ACYP2: variants seen among roughly 807,000 people sequenced by gnomAD.
ACYP2 encodes acylphosphatase-2.
Under a neutral mutation model 11.2 loss-of-function variants are expected in ACYP2, and 12 were observed. The ratio of observed to expected loss-of-function variants is 1.08; its 90% CI spans 0.69 to 1.74. The LOEUF is 1.74. Among genes scored for constraint, ACYP2 ranks in the 40% most tolerant of loss-of-function variants. ACYP2 has a pLI of 0.00. For missense variants in ACYP2, 134 were observed against 101.9 expected, an observed-to-expected ratio of 1.31 and a Z score of -1.35; for synonymous variants, 43 against 32.2, an observed-to-expected ratio of 1.33 and a Z score of -1.13.
intron 6 of ACYP2, among the ~76,000 whole-genome samples, chr2:54,197,942 A>ATGTTGTATTGTATTG (rs1354658076): frequency 1.4e-5 from 1 of 69,516 alleles, no homozygotes; most frequent in Non-Finnish European, 3.3e-5. Context: ...TGTATGTATT[A>ATGTTGTATTGTATTG]TATTGTATTG....
At chr2:53,973,908 T>TA (rs1491376422) in intron 2 of ACYP2, 15,814 of 86,734 alleles carry the variant, frequency 0.18, 2,121 homozygotes, top group African/African-American at 0.26. Flanking sequence ...TGTGTATATA[T>TA]TTTTTTTTTT....
At position 54,091,001 on chromosome 2, in the gene ACYP2, C is replaced by A. The variant is rs147002131; in HGVS notation, c.277+33641C>A. On this transcript the variant is annotated intron_variant, in intron 4 of 6. Coordinates refer to ENST00000607452, the MANE Select transcript of ACYP2 (RefSeq NM_001320586.2). The stretch of plus-strand genomic sequence containing the variant: ...TTGCCTTGGACACAATGAACGCTGA[C>A]ATAATTGTTGATTGATTTAAAATAC... Among the ~76,000 whole-genome samples the A allele has an allele frequency of 6.3e-4, 96 of 152,290 alleles. No individual in the cohort carries two copies. The East Asian group carries it at 0.018, about 28-fold the overall frequency.
At chr2:54,230,997 A>G in intron 6 of ACYP2, among the ~76,000 whole-genome samples, 1 of 151,140 alleles carries the variant, frequency 6.6e-6, no homozygotes, top group South Asian at 2.1e-4. Flanking sequence ...CGCCCAGCTA[A>G]TTTTTGTATT....
At chr2:54,083,518 T>G (rs1318662359) in intron 4 of ACYP2, among the ~76,000 whole-genome samples, 1 of 152,138 alleles carries the variant, frequency 6.6e-6, no homozygotes, top group African/African-American at 2.4e-5. Flanking sequence ...GTTCTAAGTT[T>G]ACAGAGAACA....
At chr2:54,027,776 G>T in intron 2 of ACYP2, among the ~76,000 whole-genome samples, 2 of 145,424 alleles carry the variant, frequency 1.4e-5, no homozygotes, top group Non-Finnish European at 1.5e-5. Context: ...GTCTTTTTCT[G>T]TTTCAGAACC....
intron 6 of ACYP2, among the ~76,000 whole-genome samples, chr2:54,146,286 C>T (rs1206914254): frequency 1.2e-4 from 19 of 152,322 alleles, no homozygotes; most frequent in Admixed American, 1.2e-3. Flanking sequence ...TTCCACTTAT[C>T]TCTCTTCTCC....
At chr2:54,138,893 G>T in intron 6 of ACYP2, 145 bp downstream of exon 3, 2 of 666,286 alleles carry the variant, frequency 3.0e-6, no homozygotes, top group South Asian at 2.0e-5. Context: ...TCCAGGCTCA[G>T]ATCTCCCCGA....
intron 2 of ACYP2, among the ~76,000 whole-genome samples, chr2:53,977,228 T>A (rs957528321): frequency 3.3e-5 from 5 of 151,970 alleles, no homozygotes; most frequent in Non-Finnish European, 5.9e-5. Context: ...TTTATATTTT[T>A]AGTAGAGACG....
chr2:54,249,738 C>T (rs1050538381), intron 6 of ACYP2, among the ~76,000 whole-genome samples: 1 of 151,864 alleles, frequency 6.6e-6, no homozygotes, highest in Admixed American at 6.6e-5. Context: ...CCCAGGAGTG[C>T]AAGATGAGCT....
chr2:54,112,656 T>C (rs1266203662), intron 4 of ACYP2, among the ~76,000 whole-genome samples: 2 of 152,236 alleles, frequency 1.3e-5, no homozygotes, highest in African/African-American at 4.8e-5. Context: ...AAATATTCAT[T>C]GGAAAGACTA....
At chr2:54,111,754 C>T (rs1679473252) in intron 4 of ACYP2, among the ~76,000 whole-genome samples, 1 of 152,200 alleles carries the variant, frequency 6.6e-6, no homozygotes, top group Admixed American at 6.5e-5. Context: ...TTGGGTCCTG[C>T]ACTTTCAACA....
At chr2:54,158,928 T>C (rs1006442872) in intron 6 of ACYP2, among the ~76,000 whole-genome samples, 1 of 152,204 alleles carries the variant, frequency 6.6e-6, no homozygotes, top group Non-Finnish European at 1.5e-5. Context: ...TGCAAGTTTG[T>C]ATTTCTCTTT....
intron 6 of ACYP2, among the ~76,000 whole-genome samples, chr2:54,220,603 C>T (rs1191731047): frequency 1.3e-5 from 2 of 152,070 alleles, no homozygotes; most frequent in African/African-American, 4.8e-5. Context: ...TTAATAATAT[C>T]AATTACTTCT....
chr2:53,983,111 G>C (rs1404732536), intron 2 of ACYP2, among the ~76,000 whole-genome samples: 2 of 152,054 alleles, frequency 1.3e-5, no homozygotes, highest in African/African-American at 4.8e-5. Context: ...TGTAGAACAG[G>C]GGTACCTGGA....
chr2:54,209,790 T>G (rs1163068612), intron 6 of ACYP2, among the ~76,000 whole-genome samples: 1 of 152,062 alleles, frequency 6.6e-6, no homozygotes, highest in African/African-American at 2.4e-5. Context: ...AGCTTTGAAG[T>G]TGAGGAATAA....
At chr2:54,255,728 T>C (rs1687479626) in intron 6 of ACYP2, 2 of 1,613,974 alleles carry the variant, frequency 1.2e-6, no homozygotes, top group Non-Finnish European at 1.7e-6. Context: ...CCCTCTGCAA[T>C]CACTTCAGAC....
At chr2:54,247,750 T>C (rs1278999614) in intron 6 of ACYP2, among the ~76,000 whole-genome samples, 2 of 152,222 alleles carry the variant, frequency 1.3e-5, no homozygotes, top group African/African-American at 4.8e-5. Flanking sequence ...CATAATGTTC[T>C]ACTGTGAAAC....
chr2:54,139,361 T>G (rs1293118522), intron 6 of ACYP2, among the ~76,000 whole-genome samples: 2 of 152,194 alleles, frequency 1.3e-5, no homozygotes, highest in Non-Finnish European at 2.9e-5. Flanking sequence ...TTCCTGCCAA[T>G]GAGAGTGTGT....
rs1247310180 is a variant in ACYP2, at chr2:54,262,429, G to GT, written c.405-42257dup. 3.3e-5 allele frequency among the ~76,000 whole-genome samples: 5 copies of GT among 152,252 alleles called. No individual in the cohort carries two copies. In the South Asian group the frequency reaches 8.3e-4, roughly 25 times the overall value. ...TATAAAATGTTTCTAATATCTAAGT[G>GT]TTAGACATAATCACTCTAGCCTAAT... On this transcript the variant is annotated intron_variant, in intron 6 of 6. Coordinates refer to ENST00000607452, the MANE Select transcript of ACYP2 (RefSeq NM_001320586.2).
Sources: gnomAD v4.1 joint callset for allele counts (sites outside exome capture counted in the v4.1 genomes callset) on GRCh38, gnomAD v4.1.1 for gene constraint, MANE v1.5 for transcripts, NCBI Gene and HGNC (gene_info 2026-07-23, HGNC 2026-07-21) for gene names.